The following GCN1 variants were observed in gnomAD, a reference collection of about 807,000 sequenced individuals.
The protein encoded by GCN1 is GCN1 activator of EIF2AK4, also known as stalled ribosome sensor GCN1.
GCN1 carries 90 observed loss-of-function variants against 288.4 expected under a neutral mutation model. The observed-to-expected ratio is 0.31, with a 90% CI of 0.26 to 0.37. The LOEUF (loss-of-function observed/expected upper bound fraction) is 0.37. GCN1 is among the 10% of genes least tolerant of loss of function. The pLI, the probability that GCN1 is intolerant of heterozygous loss-of-function variation, is 1.00. For missense variants in GCN1, 2,586 were observed against 3,419.9 expected (o/e 0.76, Z 6.08); for synonymous variants, 1,386 against 1,420.2 (o/e 0.98, Z 0.54).
chr12:120,149,386 G>A (rs58682372), intron 36 of GCN1, among the ~76,000 whole-genome samples: 3,799 of 152,232 alleles, frequency 0.025, 160 homozygotes, highest in African/African-American at 0.085. Context: ...TTAGCCAGGT[G>A]TAGTGGCATG....
At chr12:120,145,916 T>C (rs1415912551) in intron 38 of GCN1, among the ~76,000 whole-genome samples, 5 of 152,228 alleles carry the variant, frequency 3.3e-5, no homozygotes, top group Admixed American at 6.5e-5. Context: ...TAACTTGTTA[T>C]AACTTGGGAA....
chr12:120,142,186 T>C lies in GCN1; in HGVS notation c.5829+321A>G, dbSNP rs918362023. Among the ~76,000 whole-genome samples, 7 of 151,520 alleles carry C rather than the reference T, an allele frequency of 4.6e-5. No individual in the cohort carries two copies. The highest frequency in any genetic ancestry group is 2.1e-4 in the South Asian group (1 of 4,776). Reference sequence around the variant, plus strand: ...CTAAAAATATAAAAAAATGGCCAGGTGTGGTGGTGGATGCCTGTAGTCCCA... The same window carrying C: ...CTAAAAATATAAAAAAATGGCCAGGCGTGGTGGTGGATGCCTGTAGTCCCA... On this transcript the variant is annotated intron_variant, in intron 44 of 57. Coordinates refer to ENST00000300648, the MANE Select transcript of GCN1 (RefSeq NM_006836.2). The surrounding 1 kb of genome is among the most constrained non-coding windows in gnomAD (Gnocchi z 4.9).
chr12:120,162,696 A>G, intron 20 of GCN1, 151 bp downstream of exon 20: 1 of 866,930 alleles, frequency 1.2e-6, no homozygotes, highest in South Asian at 1.7e-5. Context: ...TTTGTGCTTA[A>G]ACCAGTTTAC....
intron 55 of GCN1, 31 bp downstream of exon 55, chr12:120,131,154 A>C: frequency 6.2e-7 from 1 of 1,606,196 alleles, no homozygotes; most frequent in Non-Finnish European, 8.5e-7. Flanking sequence ...GATGTGGCCT[A>C]TGCCTATGGG....
At position 120,137,412 on chromosome 12, in the gene GCN1, C is replaced by A; in HGVS notation, c.6664-93G>T. On this transcript the variant is annotated intron_variant, in intron 49 of 57. Transcript: ENST00000300648. The surrounding 1 kb of genome is among the most constrained non-coding windows in gnomAD (Gnocchi z 5.2). ...GGGAAAGCGTGGGCGGGAGTATAAACAAGACTTGCCACGAGTGGGTAAACG... is the reference window on the plus strand; with the variant it reads ...GGGAAAGCGTGGGCGGGAGTATAAAAAAGACTTGCCACGAGTGGGTAAACG... 7.1e-7 allele frequency: 1 copy of A among 1,406,456 alleles called. No individual in the cohort carries two copies. The highest frequency in any genetic ancestry group is 1.2e-5 in the South Asian group (1 of 85,940). The allele number at this position is 1,406,456 out of a possible 1,614,324, so 87.1% of individuals were successfully genotyped here.
intron 14 of GCN1, among the ~76,000 whole-genome samples, chr12:120,172,867 A>G (rs1366082637): frequency 6.6e-6 from 1 of 152,120 alleles, no homozygotes; most frequent in Non-Finnish European, 1.5e-5. Flanking sequence ...AAATACAAGC[A>G]TATCTCTGAG....
chr12:120,180,749 G>A (rs1009260221), intron 5 of GCN1, among the ~76,000 whole-genome samples: 2 of 151,844 alleles, frequency 1.3e-5, no homozygotes, highest in Admixed American at 6.6e-5. Context: ...AGCACTTTGG[G>A]AGGCTGAGGC....
chr12:120,182,170 A>G (rs571622538), intron 5 of GCN1, among the ~76,000 whole-genome samples: 4 of 151,838 alleles, frequency 2.6e-5, no homozygotes, highest in Admixed American at 1.3e-4. Flanking sequence ...AAAAAAAAAA[A>G]AACAAAAAAA....
Position 120,134,759 on chromosome 12 carries a change from T to C in GCN1, c.7009-33A>G, listed in dbSNP as rs1446822683. The C allele has an allele frequency of 1.3e-6, 2 of 1,590,948 alleles. No individual in the cohort carries two copies. Among genetic ancestry groups the C allele is most frequent in the Non-Finnish European group, 1.7e-6 (2 of 1,161,008 alleles). On this transcript the variant is annotated intron_variant, in intron 51 of 57. Coordinates refer to ENST00000300648, the MANE Select transcript of GCN1 (RefSeq NM_006836.2). This position sits in a 1 kb window ranked among gnomAD's most constrained non-coding sequence, Gnocchi z 5.0. ...AGGAACCCACATCCATGAAAGACAG[T>C]TGTGGTAGACCCAAAGCCACAGTGT...
intron 34 of GCN1, 149 bp from the exon 35 acceptor site, chr12:120,150,192 A>C (rs1877494857): frequency 2.1e-5 from 15 of 716,446 alleles, no homozygotes; most frequent in Non-Finnish European, 3.4e-5. Flanking sequence ...CCCCATGAGG[A>C]GGCAGCACCC....
At position 120,161,916 on chromosome 12, in the gene GCN1, G is replaced by A; in HGVS notation, c.2306C>T (p.Pro769Leu). Residue 769 changes from proline (P) to leucine (L), a missense_variant, in exon 21 of 58, where the codon CCT (proline) becomes CTT (leucine). Transcript: ENST00000300648. ...GGATTTGTCATACAGCTCCCCAGCAGGGGTCTGCATAATGGCAAACTCCTC... is the reference window on the plus strand; with the variant it reads ...GGATTTGTCATACAGCTCCCCAGCAAGGGTCTGCATAATGGCAAACTCCTC... ...TREEFAIMQT[P>L]AGELYDKSII... 1 of 1,614,138 alleles carries A rather than the reference G, an allele frequency of 6.2e-7. No individual in the cohort carries two copies. Among genetic ancestry groups the A allele is most frequent in the Non-Finnish European group, 8.5e-7 (1 of 1,180,038 alleles).
At position 120,158,359 on chromosome 12, in the gene GCN1, T is replaced by TC. The variant is rs1877818935; in HGVS notation, c.2905+100dup. On this transcript the variant is annotated intron_variant, in intron 25 of 57. Transcript: ENST00000300648. The surrounding 1 kb of genome is among the most constrained non-coding windows in gnomAD (Gnocchi z 4.3). ...TTCAGAAATCCTCCATATGGTCCAA[T>TC]CCCCCAGGCTCAGGAGGCCCTGGGT... 28 of 993,210 alleles carry TC rather than the reference T, an allele frequency of 2.8e-5. No individual in the cohort carries two copies. In the South Asian group the frequency reaches 4.4e-4, roughly 16 times the overall value. The allele number at this position is 993,210 out of a possible 1,614,324, so 61.5% of individuals were successfully genotyped here.
rs774344398 is a variant in GCN1 at position 120,136,618 on chromosome 12, C to T, written c.6892G>A (p.Ala2298Thr). ...GLVIRLTSADALRPSVVSITG... is the reference protein window; with the variant it reads ...GLVIRLTSADTLRPSVVSITG... ...ATGCTGACCACGGAGGGCCTCAGGGCGTCAGCCGAGGTCAGGCGGATTACC... is the reference window on the plus strand; with the variant it reads ...ATGCTGACCACGGAGGGCCTCAGGGTGTCAGCCGAGGTCAGGCGGATTACC... The change falls in exon 51 of 58, where the codon GCC becomes ACC. Residue 2298 changes from alanine to threonine, a missense_variant. Around this residue, in one of 8 missense-constraint regions of GCN1, gnomAD observed 437 missense variants for 570.5 expected, o/e 0.77. Transcript: ENST00000300648. 9 of 1,614,000 alleles carry T rather than the reference C, an allele frequency of 5.6e-6. No homozygotes were observed. The East Asian group carries it at 1.1e-4, about 20-fold the overall frequency.
In GCN1 at chr12:120,138,958, C is replaced by T. The variant is rs1034953144; in HGVS notation, c.5995-102G>A. The T allele has an allele frequency of 5.4e-5, 50 of 932,514 alleles. No individual in the cohort carries two copies. In the Middle Eastern group the frequency reaches 2.7e-3, roughly 51 times the overall value. The allele number at this position is 932,514 out of a possible 1,614,324, so 57.8% of individuals were successfully genotyped here. A position where few individuals can be genotyped will look rare whatever the true frequency, so the allele number is the denominator to read the frequency against. ...GGGGACTCTGACCCAGCTAGGCCACCCTAACTCTCTTTGCCTGACTTGTCT... is the reference window on the plus strand; with the variant it reads ...GGGGACTCTGACCCAGCTAGGCCACTCTAACTCTCTTTGCCTGACTTGTCT... On this transcript the variant is annotated intron_variant, in intron 45 of 57. Transcript: ENST00000300648.
chr12:120,185,594 T>A (rs2139142681), intron 2 of GCN1, among the ~76,000 whole-genome samples: 1 of 152,308 alleles, frequency 6.6e-6, no homozygotes, highest in Non-Finnish European at 1.5e-5. Context: ...GCAGTGTTAT[T>A]AAGGCCCCCC....
chr12:120,134,671 G>A lies in GCN1; in HGVS notation c.7064C>T (p.Ala2355Val). ...LPQLQTTFTKALQDSNRGVRL... is the reference protein window; with the variant it reads ...LPQLQTTFTKVLQDSNRGVRL... ...CACCCCCCGGTTGGAGTCCTGCAGG[G>A]CTTTGGTGAAAGTGGTCTGCAGCTG... The change falls in exon 52 of 58, where the codon GCC becomes GTC. Residue 2355 changes from alanine (A) to valine (V), a missense_variant. This residue lies in a region of GCN1 where 355 missense variants were observed against 431.1 expected (regional missense o/e 0.82). Transcript: ENST00000300648. This position sits in a 1 kb window ranked among gnomAD's most constrained non-coding sequence, Gnocchi z 5.0. The A allele has an allele frequency of 6.2e-7, 1 of 1,613,534 alleles. No individual in the cohort carries two copies. The highest frequency in any genetic ancestry group is 8.5e-7 in the Non-Finnish European group (1 of 1,180,024).
intron 10 of GCN1, 23 bp from the exon 11 acceptor site, chr12:120,175,897 C>G: frequency 6.3e-7 from 1 of 1,592,972 alleles, no homozygotes; most frequent in Non-Finnish European, 8.5e-7. Flanking sequence ...AGCCACTGCT[C>G]AGAAGCAGCC....
At chr12:120,145,471 C>T (rs138478761) in intron 38 of GCN1, 141 bp from the exon 39 acceptor site, 57 of 596,110 alleles carry the variant, frequency 9.6e-5, no homozygotes, top group Non-Finnish European at 9.1e-5. Context: ...TCACTGCCCA[C>T]GGAACAGGGA....
chr12:120,172,259 G>A lies in GCN1; in HGVS notation c.1366+1394C>T, dbSNP rs573434612. 4.6e-5 allele frequency among the ~76,000 whole-genome samples: 7 copies of A among 152,284 alleles called. No homozygotes were observed. The South Asian group carries it at 1.4e-3, about 32-fold the overall frequency. ...ACATTTCTACCCATGGAAAATCTAT[G>A]ACTTCAATCAGCACTACCTGTGGTT... On this transcript the variant is annotated intron_variant, in intron 14 of 57. Transcript: ENST00000300648.
Sources: gnomAD v4.1 joint callset for allele counts (sites outside exome capture counted in the v4.1 genomes callset) on GRCh38, gnomAD v4.1.1 for gene constraint, gnomAD v4.1.1 regional missense constraint, Gnocchi (gnomAD v3.1) non-coding constraint, MANE v1.5 for transcripts, NCBI Gene and HGNC (gene_info 2026-07-23, HGNC 2026-07-21) for gene names.